BTC: variants seen among roughly 807,000 people sequenced by gnomAD.
The protein encoded by BTC is betacellulin.
Under a neutral mutation model 18.1 loss-of-function variants are expected in BTC, and 13 were observed. The observed-to-expected ratio is 0.72, with a 90% CI of 0.47 to 1.14. BTC has a LOEUF of 1.14. BTC is among the 50% of genes most tolerant of loss of function. The pLI is 0.00. For synonymous variants in BTC, 83 were observed against 79.4 expected, an observed-to-expected ratio of 1.05 and a Z score of -0.24; for missense variants, 247 against 224.2, an observed-to-expected ratio of 1.10 and a Z score of -0.65.
At chr4:74,765,931 G>A (rs72867560) in intron 2 of BTC, among the ~76,000 whole-genome samples, 35,027 of 151,840 alleles carry the variant, frequency 0.23, 5,245 homozygotes, top group African/African-American at 0.43. Flanking sequence ...AAATTTAGAC[G>A]GTGTAGCCTA....
chr4:74,755,949 C>T lies in BTC; in HGVS notation c.191G>A (p.Gly64Asp), dbSNP rs1553956657. The T allele has an allele frequency of 3.7e-6, 6 of 1,614,002 alleles. No individual in the cohort carries two copies. In the South Asian group the frequency reaches 4.4e-5, roughly 12 times the overall value. The stretch of plus-strand genomic sequence containing the variant: ...TTGCTTGGGGCACCTAGAGAAGTGG[C>T]CTTTCCGCTTTGATTGTGTGGTGGT... ...AATTTQSKRK[G>D]HFSRCPKQYK... The change falls in exon 3 of 6, where the codon GGC becomes GAC. Residue 64 changes from glycine (G) to aspartate (D), a missense_variant. Physicochemically the swap from Gly to Asp is moderately conservative, Grantham distance 94 (BLOSUM62 -1). Coordinates refer to ENST00000395743, the MANE Select transcript of BTC (RefSeq NM_001729.4).
intron 3 of BTC, among the ~76,000 whole-genome samples, chr4:74,753,948 T>C (rs1724530065): frequency 6.6e-6 from 1 of 152,240 alleles, no homozygotes; most frequent in South Asian, 2.1e-4. Context: ...GGTACCACAA[T>C]TAGTGTTTTC....
chr4:74,755,931 G>C lies in BTC; in HGVS notation c.209C>G (p.Pro70Arg). The C allele has an allele frequency of 6.2e-7, 1 of 1,614,112 alleles. No individual in the cohort carries two copies. Among genetic ancestry groups the C allele is most frequent in the African/African-American group, 1.3e-5 (1 of 75,018 alleles). Residue 70 changes from proline (P) to arginine (R), a missense_variant, in exon 3 of 6, where the codon CCC becomes CGC. Coordinates refer to ENST00000395743, the MANE Select transcript of BTC (RefSeq NM_001729.4). The part of the protein sequence containing the change: ...SKRKGHFSRC[P>R]KQYKHYCIKG... ...GATGCAGTAATGCTTGTATTGCTTG[G>C]GGCACCTAGAGAAGTGGCCTTTCCG... is the stretch of plus-strand genomic sequence containing the variant.
At chr4:74,753,007 T>C (rs1049792295) in intron 3 of BTC, among the ~76,000 whole-genome samples, 1 of 152,218 alleles carries the variant, frequency 6.6e-6, no homozygotes, top group Non-Finnish European at 1.5e-5. Context: ...CTGGTTATAG[T>C]GGTTCTCATG....
chr4:74,790,716 T>A (rs1725601107), intron 1 of BTC, among the ~76,000 whole-genome samples: 1 of 152,062 alleles, frequency 6.6e-6, no homozygotes, highest in African/African-American at 2.4e-5. Context: ...AGACACTGAG[T>A]GACACAGGCC....
chr4:74,774,282 C>T (rs1380750791), intron 1 of BTC, among the ~76,000 whole-genome samples: 1 of 152,118 alleles, frequency 6.6e-6, no homozygotes, highest in African/African-American at 2.4e-5. Context: ...TGTGCTCTGC[C>T]AGTTCTTGAA....
At chr4:74,768,036 T>C (rs182010186) in intron 2 of BTC, among the ~76,000 whole-genome samples, 7 of 152,166 alleles carry the variant, frequency 4.6e-5, no homozygotes, top group African/African-American at 9.6e-5. Context: ...AGTGGGACTA[T>C]GTCAAATGAA....
Position 74,770,173 on chromosome 4 carries a change from G to C in BTC, c.65-17C>G. ...TCACTAGACCTTCAAATTCAAAACA[G>C]AACCAAAATCAAACATGAAAATTTG... On this transcript the variant is annotated splice_polypyrimidine_tract_variant and intron_variant, in intron 1 of 5. Coordinates refer to ENST00000395743, the MANE Select transcript of BTC (RefSeq NM_001729.4). 1.3e-6 allele frequency: 2 copies of C among 1,578,906 alleles called. No homozygotes were observed. Among genetic ancestry groups the C allele is most frequent in the Non-Finnish European group, 1.7e-6 (2 of 1,162,128 alleles).
intron 3 of BTC, among the ~76,000 whole-genome samples, chr4:74,751,104 C>T (rs1269948913): frequency 6.6e-6 from 1 of 152,116 alleles, no homozygotes; most frequent in Non-Finnish European, 1.5e-5. Context: ...CAGGATAATG[C>T]AAATAGTTTT....
chr4:74,761,583 C>A (rs1724759085), intron 2 of BTC, among the ~76,000 whole-genome samples: 1 of 152,198 alleles, frequency 6.6e-6, no homozygotes, highest in African/African-American at 2.4e-5. Context: ...CAAACTTGGT[C>A]TTTCCTTATC....
chr4:74,783,793 G>A (rs555215858), intron 1 of BTC, among the ~76,000 whole-genome samples: 11 of 151,938 alleles, frequency 7.2e-5, no homozygotes, highest in East Asian at 3.9e-4. Flanking sequence ...TGATTTCTTC[G>A]AGCAGTGGTT....
intron 4 of BTC, among the ~76,000 whole-genome samples, chr4:74,749,810 C>G (rs1553955952): frequency 6.7e-6 from 1 of 148,932 alleles, no homozygotes; most frequent in African/African-American, 2.5e-5. Context: ...AAGAATTGTC[C>G]CAGGACCAGG....
At chr4:74,751,189 A>G (rs1272823668) in intron 3 of BTC, among the ~76,000 whole-genome samples, 2 of 152,218 alleles carry the variant, frequency 1.3e-5, no homozygotes, top group Non-Finnish European at 2.9e-5. Flanking sequence ...AATGCATGTG[A>G]AAGTTCATAA....
intron 3 of BTC, among the ~76,000 whole-genome samples, chr4:74,751,376 T>C (rs963312870): frequency 1.3e-5 from 2 of 152,114 alleles, no homozygotes; most frequent in Non-Finnish European, 2.9e-5. Context: ...CCTCCTTCAT[T>C]ACATCCCTGC....
At chr4:74,759,421 T>C (rs954054883) in intron 2 of BTC, among the ~76,000 whole-genome samples, 14 of 152,218 alleles carry the variant, frequency 9.2e-5, no homozygotes, top group African/African-American at 2.9e-4. Flanking sequence ...AATATGCCCC[T>C]GTCCCAGAGA....
chr4:74,792,116 G>T (rs1725649622), intron 1 of BTC, among the ~76,000 whole-genome samples: 1 of 152,136 alleles, frequency 6.6e-6, no homozygotes, highest in South Asian at 2.1e-4. Flanking sequence ...GTGTATGACA[G>T]AAATAGGGCC....
intron 1 of BTC, among the ~76,000 whole-genome samples, chr4:74,778,291 A>G (rs1725230492): frequency 6.6e-6 from 1 of 152,122 alleles, no homozygotes; most frequent in Non-Finnish European, 1.5e-5. Flanking sequence ...ACCTTCAAGG[A>G]GAGAAATTAT....
intron 4 of BTC, among the ~76,000 whole-genome samples, chr4:74,750,297 T>G (rs1724424508): frequency 6.6e-6 from 1 of 152,226 alleles, no homozygotes; most frequent in Non-Finnish European, 1.5e-5. Context: ...TCAATGTTAC[T>G]GTGTTATGGT....
At chr4:74,752,141 A>G (rs1423785914) in intron 3 of BTC, among the ~76,000 whole-genome samples, 1 of 152,200 alleles carries the variant, frequency 6.6e-6, no homozygotes, top group Admixed American at 6.5e-5. Context: ...ATAAACAAAA[A>G]AACAAGCTCA....
Sources: gnomAD v4.1 joint callset for allele counts (sites outside exome capture counted in the v4.1 genomes callset) on GRCh38, gnomAD v4.1.1 for gene constraint, MANE v1.5 for transcripts, NCBI Gene and HGNC (gene_info 2026-07-23, HGNC 2026-07-21) for gene names.